RUFY3: variants seen among roughly 807,000 people sequenced by gnomAD.
The protein encoded by RUFY3 is protein RUFY3.
Under a neutral mutation model 84.0 loss-of-function variants are expected in RUFY3, and 34 were observed. That is an observed-to-expected ratio of 0.40 (90% confidence interval 0.31 to 0.54). The LOEUF (loss-of-function observed/expected upper bound fraction) is 0.54, where lower values mean the gene tolerates loss of function less well. Among genes scored for constraint, RUFY3 ranks in the 20% least tolerant of loss-of-function variants. RUFY3 has a pLI of 0.39. For synonymous variants in RUFY3, 242 were observed against 252.9 expected (o/e 0.96, Z 0.41); for missense variants, 507 against 736.8 (o/e 0.69, Z 3.61).
rs1479311382 is a variant in RUFY3, at chr4:70,768,524, G to T, written c.573-14G>T. 4 of 1,606,124 alleles carry T rather than the reference G, an allele frequency of 2.5e-6. No homozygotes were observed. The highest frequency in any genetic ancestry group is 3.4e-6 in the Non-Finnish European group (4 of 1,177,946). On this transcript the variant is annotated splice_polypyrimidine_tract_variant and intron_variant, in intron 4 of 17. Transcript: ENST00000381006. Reference sequence around the variant, plus strand: ...TTTTGTTACAATAAGGAATTCTGTGGATTTCTCTTACAGTGAATTCTACGA... The same window carrying T: ...TTTTGTTACAATAAGGAATTCTGTGTATTTCTCTTACAGTGAATTCTACGA...
At position 70,777,542 on chromosome 4, in the gene RUFY3, A is replaced by G. The variant is rs769992122; in HGVS notation, c.825-827A>G. Among the ~76,000 whole-genome samples, 4 of 152,232 alleles carry G rather than the reference A, an allele frequency of 2.6e-5. No homozygotes were observed. The South Asian group carries it at 6.2e-4, about 24-fold the overall frequency. ...CCACCTAGCAAATTCAAAACAATTT[A>G]AGTACATTTTCTCTGGGGACCAAGA... On this transcript the variant is annotated intron_variant, in intron 7 of 17. Transcript: ENST00000381006.
At chr4:70,747,499 CA>C (rs768378993) in intron 1 of RUFY3, among the ~76,000 whole-genome samples, 59 of 125,716 alleles carry the variant, frequency 4.7e-4, no homozygotes, top group Admixed American at 6.6e-4. Context: ...TAGGTGTGTG[CA>C]AAAAAAAAAA....
At chr4:70,787,128 C>T (rs1729944712) in intron 10 of RUFY3, among the ~76,000 whole-genome samples, 1 of 127,798 alleles carries the variant, frequency 7.8e-6, no homozygotes, top group South Asian at 2.4e-4. Flanking sequence ...CAAGATCACA[C>T]TGCACTCCAG....
At chr4:70,711,187 G>A (rs571282092) in intron 1 of RUFY3, among the ~76,000 whole-genome samples, 1 of 151,744 alleles carries the variant, frequency 6.6e-6, no homozygotes, top group African/African-American at 2.4e-5. Context: ...TTGGACTCCT[G>A]GGCTCAGGTG....
At chr4:70,799,028 C>T (rs769289603) in intron 14 of RUFY3, among the ~76,000 whole-genome samples, 4 of 150,660 alleles carry the variant, frequency 2.7e-5, no homozygotes, top group Admixed American at 1.3e-4. Flanking sequence ...CGCCTGTAAT[C>T]CCAGCTACTC....
intron 1 of RUFY3, among the ~76,000 whole-genome samples, chr4:70,743,281 A>G (rs1046283690): frequency 2.0e-5 from 3 of 152,060 alleles, no homozygotes; most frequent in Non-Finnish European, 2.9e-5. Flanking sequence ...CATGTTGGCC[A>G]GGCTGGTCTC....
At chr4:70,802,322 A>G (rs1732331741) in intron 15 of RUFY3, among the ~76,000 whole-genome samples, 1 of 152,226 alleles carries the variant, frequency 6.6e-6, no homozygotes, top group Non-Finnish European at 1.5e-5. Flanking sequence ...AGTGAAAAGA[A>G]TAAGAACCAT....
chr4:70,752,511 C>G (rs1025085148), intron 1 of RUFY3, among the ~76,000 whole-genome samples: 7 of 152,156 alleles, frequency 4.6e-5, no homozygotes, highest in African/African-American at 1.7e-4. Context: ...TTTGAGAAAG[C>G]CTTCAGTCTT....
At chr4:70,800,247 T>C (rs1732052191) in intron 15 of RUFY3, 42 bp downstream of exon 15, 6 of 1,521,144 alleles carry the variant, frequency 3.9e-6, no homozygotes, top group African/African-American at 1.4e-5. Flanking sequence ...AAAGTTATTC[T>C]GGGGTGGTGG....
chr4:70,741,630 C>T (rs1472273272), intron 1 of RUFY3: 1 of 1,523,450 alleles, frequency 6.6e-7, no homozygotes, highest in Non-Finnish European at 8.8e-7. Context: ...TGCAAAGACT[C>T]TTGGGAGGAT....
At chr4:70,738,018 T>A (rs1396838865) in intron 1 of RUFY3, among the ~76,000 whole-genome samples, 2 of 144,348 alleles carry the variant, frequency 1.4e-5, no homozygotes, top group African/African-American at 5.2e-5. Context: ...GGTTTCACTC[T>A]ATCACCCAGG....
At position 70,783,126 on chromosome 4, in the gene RUFY3, A is replaced by C. The variant is rs761471193; in HGVS notation, c.930A>C (p.Gln310His). The change falls in exon 9 of 18, where the codon CAA (glutamine) becomes CAC (histidine). Residue 310 changes from glutamine to histidine, a missense_variant. By Grantham distance (24) the Gln-to-His change is conservative. Transcript: ENST00000381006. ...CAAACAACAGGATCATTACCTTACAAGAAGAAATGGAACGAGTTAAAGAGG... is the reference window on the plus strand; with the variant it reads ...CAAACAACAGGATCATTACCTTACACGAAGAAATGGAACGAGTTAAAGAGG... ...AVANNRIITL[Q>H]EEMERVKEES... 2 of 1,612,092 alleles carry C rather than the reference A, an allele frequency of 1.2e-6. No individual in the cohort carries two copies. The highest frequency in any genetic ancestry group is 8.5e-7 in the Non-Finnish European group (1 of 1,178,704).
intron 1 of RUFY3, among the ~76,000 whole-genome samples, chr4:70,737,981 C>T (rs1720640136): frequency 1.6e-5 from 2 of 126,740 alleles, no homozygotes; most frequent in African/African-American, 7.5e-5. Context: ...CCTATTAATT[C>T]CTTTTTTTTT....
intron 4 of RUFY3, among the ~76,000 whole-genome samples, chr4:70,765,248 CAG>C (rs1219785347): frequency 1.4e-5 from 2 of 147,056 alleles, no homozygotes; most frequent in African/African-American, 5.0e-5. Flanking sequence ...CAAAATCTTC[CAG>C]TAGATCATAG....
intron 1 of RUFY3, among the ~76,000 whole-genome samples, chr4:70,745,315 A>C (rs1043522861): frequency 6.6e-6 from 1 of 152,188 alleles, no homozygotes; most frequent in Non-Finnish European, 1.5e-5. Flanking sequence ...TAGAATATGA[A>C]GTGTCTTCTT....
intron 1 of RUFY3, among the ~76,000 whole-genome samples, chr4:70,751,706 G>T (rs1214556219): frequency 6.6e-6 from 1 of 152,078 alleles, no homozygotes; most frequent in Non-Finnish European, 1.5e-5. Flanking sequence ...TCACTTTCTT[G>T]ATGATGTCGT....
At chr4:70,723,815 A>G (rs1263162275) in intron 1 of RUFY3, among the ~76,000 whole-genome samples, 1 of 152,196 alleles carries the variant, frequency 6.6e-6, no homozygotes, top group Middle Eastern at 3.2e-3. Flanking sequence ...GGGTTAGGAA[A>G]GGTGATTCTC....
chr4:70,722,739 C>T lies in RUFY3; in HGVS notation c.166C>T (p.Pro56Ser). The T allele has an allele frequency of 6.2e-7, 1 of 1,613,908 alleles. No homozygotes were observed. Among genetic ancestry groups the T allele is most frequent in the Non-Finnish European group, 8.5e-7 (1 of 1,179,900 alleles). Reference sequence around the variant, plus strand: ...CATCTCACTTACACCTGACCCAGAGCCTACCCATGAAGGTATGGTCAGATC... The same window carrying T: ...CATCTCACTTACACCTGACCCAGAGTCTACCCATGAAGGTATGGTCAGATC... ...DDISLTPDPE[P>S]THEDPNYLMA... The change falls in exon 1 of 18, where the codon CCT (proline) becomes TCT (serine). Residue 56 changes from proline to serine, a missense_variant. Physicochemically the swap from Pro to Ser is moderately conservative, Grantham distance 74. Transcript: ENST00000381006.
At chr4:70,757,330 C>T (rs925825238) in intron 1 of RUFY3, among the ~76,000 whole-genome samples, 5 of 151,848 alleles carry the variant, frequency 3.3e-5, no homozygotes, top group Non-Finnish European at 7.4e-5. Flanking sequence ...CTGGGCCGGG[C>T]GCGGTGGTTC....
Sources: gnomAD v4.1 joint callset for allele counts (sites outside exome capture counted in the v4.1 genomes callset) on GRCh38, gnomAD v4.1.1 for gene constraint, MANE v1.5 for transcripts, NCBI Gene and HGNC (gene_info 2026-07-23, HGNC 2026-07-21) for gene names.